The following CDC14A variants were observed in gnomAD, a reference collection of about 807,000 sequenced individuals.
CDC14A encodes the protein dual specificity protein phosphatase CDC14A.
A neutral mutation model predicts 74.4 loss-of-function variants in CDC14A; 53 were observed. The observed-to-expected ratio is 0.71, with a 90% CI of 0.57 to 0.89. CDC14A has a LOEUF of 0.89. CDC14A is among the 40% of genes least tolerant of loss of function. CDC14A has a pLI of 0.00. For missense variants in CDC14A, 646 were observed against 713.7 expected, an observed-to-expected ratio of 0.91 and a Z score of 1.08; for synonymous variants, 247 against 258.4, an observed-to-expected ratio of 0.96 and a Z score of 0.43.
chr1:100,379,524 A>T (rs1239637732), intron 3 of CDC14A, among the ~76,000 whole-genome samples: 1 of 152,198 alleles, frequency 6.6e-6, no homozygotes, highest in Admixed American at 6.5e-5. Flanking sequence ...GGAGAAAAAG[A>T]TTTACTGTAC....
chr1:100,431,513 G>C (rs1037268500), intron 5 of CDC14A, among the ~76,000 whole-genome samples: 1 of 152,030 alleles, frequency 6.6e-6, no homozygotes, highest in African/African-American at 2.4e-5. Context: ...TTAAATACCT[G>C]AGTTAAAACC....
At chr1:100,402,354 A>G (rs1659377372) in intron 4 of CDC14A, among the ~76,000 whole-genome samples, 1 of 152,194 alleles carries the variant, frequency 6.6e-6, no homozygotes, top group African/African-American at 2.4e-5. Context: ...CGTATTCCCC[A>G]TGCAGAGCTA....
intron 7 of CDC14A, among the ~76,000 whole-genome samples, chr1:100,453,763 C>T (rs994240726): frequency 1.3e-5 from 2 of 152,156 alleles, no homozygotes; most frequent in African/African-American, 4.8e-5. Flanking sequence ...CCTCAGCCTC[C>T]CAAGTAGCTG....
chr1:100,371,752 A>G (rs758857670), intron 2 of CDC14A, among the ~76,000 whole-genome samples: 7 of 152,194 alleles, frequency 4.6e-5, no homozygotes, highest in Non-Finnish European at 7.3e-5. Flanking sequence ...AAATTTATTC[A>G]AAGTGAGTTT....
intron 4 of CDC14A, among the ~76,000 whole-genome samples, chr1:100,421,444 A>G (rs1016840805): frequency 6.6e-6 from 1 of 152,194 alleles, no homozygotes; most frequent in African/African-American, 2.4e-5. Context: ...CTTACTTCAC[A>G]TTTAAAAAAC....
At chr1:100,493,769 T>C (rs1566212) in intron 11 of CDC14A, among the ~76,000 whole-genome samples, 129,745 of 152,162 alleles carry the variant, frequency 0.85, 58,728 homozygotes, top group Non-Finnish European at 1. Flanking sequence ...TCTTTATTTC[T>C]TTTTTAAACT....
chr1:100,372,107 A>C (rs569667771), intron 2 of CDC14A, among the ~76,000 whole-genome samples: 1 of 152,236 alleles, frequency 6.6e-6, no homozygotes, highest in Admixed American at 6.5e-5. Context: ...CATTGTGTCT[A>C]AGAAAGCAAT....
In CDC14A at chr1:100,361,205, T is replaced by G. The variant is rs77263807; in HGVS notation, c.140+7353T>G. 4.1e-4 allele frequency among the ~76,000 whole-genome samples: 62 copies of G among 152,264 alleles called. No homozygotes were observed. The East Asian group carries it at 0.011, about 27-fold the overall frequency. ...TTTATGGGAAGTGAAAAGCATAACT[T>G]AAAACTTTCATAAGTGGTTGAAAAT... On this transcript the variant is annotated intron_variant, in intron 2 of 15. Transcript: ENST00000336454.
intron 9 of CDC14A, among the ~76,000 whole-genome samples, chr1:100,466,333 A>G (rs1179534044): frequency 2.0e-5 from 3 of 152,188 alleles, no homozygotes; most frequent in Non-Finnish European, 4.4e-5. Flanking sequence ...CCTGTGTTTT[A>G]TCTATACGGT....
chr1:100,424,415 A>G, intron 5 of CDC14A, 114 bp downstream of exon 5: 1 of 709,096 alleles, frequency 1.4e-6, no homozygotes, highest in Non-Finnish European at 2.6e-6. Flanking sequence ...GTTATATGGA[A>G]TGAAATGAGA....
chr1:100,502,184 C>T (rs183694739), intron 15 of CDC14A, among the ~76,000 whole-genome samples: 18 of 152,278 alleles, frequency 1.2e-4, no homozygotes, highest in Admixed American at 9.8e-4. Flanking sequence ...ATAAAGTCTA[C>T]AGTAGTGTTC....
chr1:100,465,915 C>G (rs1290975940), intron 9 of CDC14A, among the ~76,000 whole-genome samples: 1 of 152,162 alleles, frequency 6.6e-6, no homozygotes, highest in Non-Finnish European at 1.5e-5. Flanking sequence ...TCTTGTCATG[C>G]TGTGCCAGGG....
In CDC14A at chr1:100,390,843, A is replaced by T. The variant is rs1264744657; in HGVS notation, c.309+19A>T. 2 of 1,539,142 alleles carry T rather than the reference A, an allele frequency of 1.3e-6. No individual in the cohort carries two copies. The highest frequency in any genetic ancestry group is 1.7e-5 in the Admixed American group (1 of 59,888). ...CTATGCAGTAAGTACCTTCTTCATG[A>T]TTATTTTCTATAATCAGGCCAGTGA... On this transcript the variant is annotated intron_variant, in intron 4 of 15. Coordinates refer to ENST00000336454, the MANE Select transcript of CDC14A (RefSeq NM_003672.4).
At chr1:100,416,078 GT>G (rs2101055419) in intron 4 of CDC14A, among the ~76,000 whole-genome samples, 2 of 152,278 alleles carry the variant, frequency 1.3e-5, no homozygotes, top group African/African-American at 4.8e-5. Context: ...TGAGAACCAA[GT>G]TTTGGGAGCC....
In CDC14A at chr1:100,352,554, C is replaced by T. The variant is rs556668407; in HGVS notation, c.-401C>T. The T allele has an allele frequency of 9.6e-7, 1 of 1,041,314 alleles. No individual in the cohort carries two copies. Among genetic ancestry groups the T allele is most frequent in the Non-Finnish European group, 1.2e-6 (1 of 866,386 alleles). The allele number at this position is 1,041,314 out of a possible 1,614,324, so 64.5% of individuals were successfully genotyped here. ...CACTGAAGTCCTCCCGGCTGCCGCT[C>T]GAGTAGCCACGGGCGCGATCGGGAC... On this transcript the variant is annotated 5_prime_UTR_variant, in exon 1 of 16. Transcript: ENST00000336454.
Position 100,444,517 on chromosome 1 carries a change from C to G in CDC14A, c.519+1521C>G, listed in dbSNP as rs920734176. On this transcript the variant is annotated intron_variant, in intron 7 of 15. Coordinates refer to ENST00000336454, the MANE Select transcript of CDC14A (RefSeq NM_003672.4). ...CCAGCCTACCCTTCTAGCCCCATCT[C>G]CTGTTACTTCACTGTACGTACTCTG... Among the ~76,000 whole-genome samples, 6 of 152,202 alleles carry G rather than the reference C, an allele frequency of 3.9e-5. 1 individual carries two copies. The highest frequency in any genetic ancestry group is 1.4e-4 in the African/African-American group (6 of 41,460).
chr1:100,382,390 ATTTTT>A (rs59014809), intron 3 of CDC14A, among the ~76,000 whole-genome samples: 1 of 115,288 alleles, frequency 8.7e-6, no homozygotes, highest in Non-Finnish European at 1.8e-5. Flanking sequence ...CCAGCTAACT[ATTTTT>A]TTTTTTTTTT....
At chr1:100,485,478 T>G (rs1041626841) in intron 11 of CDC14A, 1 of 217,290 alleles carries the variant, frequency 4.6e-6, no homozygotes, top group African/African-American at 2.4e-5. Flanking sequence ...GGTGGGAGGA[T>G]GTTTGAGCCC....
chr1:100,357,645 C>T (rs1652103730), intron 2 of CDC14A, among the ~76,000 whole-genome samples: 1 of 151,410 alleles, frequency 6.6e-6, no homozygotes, highest in Non-Finnish European at 1.5e-5. Flanking sequence ...CTTGTAGTCC[C>T]AGCTACTCTT....
Sources: allele counts gnomAD v4.1 joint callset (sites outside exome capture counted in the v4.1 genomes callset), GRCh38; gene constraint gnomAD v4.1.1; transcripts MANE v1.5; gene names NCBI Gene and HGNC (gene_info 2026-07-23, HGNC 2026-07-21).